ARNT2: variants seen among roughly 807,000 people sequenced by gnomAD.
ARNT2 encodes the protein aryl hydrocarbon receptor nuclear translocator 2.
ARNT2 carries 36 observed loss-of-function variants against 91.7 expected under a neutral mutation model. That is an observed-to-expected ratio of 0.39 (90% CI 0.30 to 0.52). ARNT2 has a LOEUF of 0.52. Ranked by LOEUF, ARNT2 falls within the 20% of genes least tolerant of loss-of-function variation. ARNT2 has a pLI of 0.72. For synonymous variants in ARNT2, 365 were observed against 347.1 expected (o/e 1.05, Z -0.57); for missense variants, 775 against 939.3 (o/e 0.83, Z 2.29).
At chr15:80,520,284 T>TA (rs1447389289) in intron 8 of ARNT2, among the ~76,000 whole-genome samples, 1 of 152,208 alleles carries the variant, frequency 6.6e-6, no homozygotes, top group Non-Finnish European at 1.5e-5. Flanking sequence ...ATTAAAGTCG[T>TA]AAACCTCTGT....
chr15:80,590,599 A>G (rs181008400), intron 17 of ARNT2, among the ~76,000 whole-genome samples: 1 of 152,218 alleles, frequency 6.6e-6, no homozygotes, highest in Non-Finnish European at 1.5e-5. Context: ...TTAATTAGTC[A>G]GGCAATGTGG....
At chr15:80,504,831 C>T (rs1455640160) in intron 5 of ARNT2, among the ~76,000 whole-genome samples, 2 of 149,828 alleles carry the variant, frequency 1.3e-5, no homozygotes, top group African/African-American at 4.9e-5. Context: ...GGGGAAGTGG[C>T]TGGGAAGGGC....
intron 3 of ARNT2, among the ~76,000 whole-genome samples, chr15:80,459,781 C>T (rs183855352): frequency 6.6e-6 from 1 of 152,162 alleles, no homozygotes; most frequent in East Asian, 1.9e-4. Flanking sequence ...TATCATTTCC[C>T]CCATGAAAAA....
intron 8 of ARNT2, among the ~76,000 whole-genome samples, chr15:80,517,077 C>A (rs1362071278): frequency 6.6e-6 from 1 of 151,664 alleles, no homozygotes; most frequent in Non-Finnish European, 1.5e-5. Context: ...TTTATTTATT[C>A]CTTCTCTGAT....
intron 11 of ARNT2, among the ~76,000 whole-genome samples, chr15:80,558,088 G>A (rs1898231812): frequency 6.6e-6 from 1 of 152,072 alleles, no homozygotes; most frequent in Non-Finnish European, 1.5e-5. Flanking sequence ...CTGTTCCCCT[G>A]AGGGAATGCC....
intron 8 of ARNT2, among the ~76,000 whole-genome samples, chr15:80,530,475 G>A (rs28612252): frequency 6.6e-6 from 1 of 152,132 alleles, no homozygotes; most frequent in East Asian, 1.9e-4. Flanking sequence ...TCTTGCTGGA[G>A]CCTTTTCCTC....
chr15:80,524,490 AATGG>A (rs1240507978), intron 8 of ARNT2, among the ~76,000 whole-genome samples: 1 of 152,200 alleles, frequency 6.6e-6, no homozygotes, highest in Non-Finnish European at 1.5e-5. Flanking sequence ...TCTACATTTC[AATGG>A]TAAAGAATTG....
chr15:80,539,583 C>T (rs1451019443), intron 8 of ARNT2, among the ~76,000 whole-genome samples: 1 of 151,880 alleles, frequency 6.6e-6, no homozygotes, highest in African/African-American at 2.4e-5. Flanking sequence ...TTGGAATTTC[C>T]AAGCCAATAA....
At chr15:80,542,537 G>T (rs751849818) in intron 8 of ARNT2, among the ~76,000 whole-genome samples, 1 of 152,146 alleles carries the variant, frequency 6.6e-6, no homozygotes, top group African/African-American at 2.4e-5. Flanking sequence ...AAGTCACATA[G>T]TGTCACTTCC....
intron 6 of ARNT2, among the ~76,000 whole-genome samples, chr15:80,512,118 C>G (rs1413494042): frequency 6.6e-6 from 1 of 152,176 alleles, no homozygotes; most frequent in Non-Finnish European, 1.5e-5. Flanking sequence ...TATCTATTTT[C>G]CCTAATTTAA....
At chr15:80,440,305 TG>T (rs1354727452) in intron 1 of ARNT2, among the ~76,000 whole-genome samples, 1 of 152,230 alleles carries the variant, frequency 6.6e-6, no homozygotes, top group Non-Finnish European at 1.5e-5. Context: ...GCAGGTTGAA[TG>T]GGTCACTCAT....
chr15:80,466,626 T>C (rs533893435), intron 3 of ARNT2, among the ~76,000 whole-genome samples: 5 of 152,322 alleles, frequency 3.3e-5, no homozygotes, highest in African/African-American at 1.2e-4. Context: ...ATCTTGGAGA[T>C]ATGTCCTTCT....
At chr15:80,569,405 CCTT>C (rs1043934798) in intron 12 of ARNT2, among the ~76,000 whole-genome samples, 2 of 152,208 alleles carry the variant, frequency 1.3e-5, no homozygotes, top group African/African-American at 4.8e-5. Context: ...CCTGCTTTCT[CCTT>C]CTCTGGAATT....
At chr15:80,539,344 A>G (rs1566996407) in intron 8 of ARNT2, among the ~76,000 whole-genome samples, 1 of 152,136 alleles carries the variant, frequency 6.6e-6, no homozygotes, top group Non-Finnish European at 1.5e-5. Flanking sequence ...GAAATCTGCT[A>G]ATGTAAATAA....
intron 8 of ARNT2, among the ~76,000 whole-genome samples, chr15:80,522,464 G>A (rs561320765): frequency 3.9e-5 from 6 of 152,112 alleles, no homozygotes; most frequent in Non-Finnish European, 8.8e-5. Context: ...GTGTCATTAG[G>A]CAATTTAATC....
intron 8 of ARNT2, among the ~76,000 whole-genome samples, chr15:80,528,392 A>ATCTG (rs1342605021): frequency 7.9e-5 from 12 of 152,002 alleles, no homozygotes; most frequent in Non-Finnish European, 1.5e-4. Context: ...CTATCTATCT[A>ATCTG]TCTATCTATC....
chr15:80,537,823 G>A (rs1845023474), intron 8 of ARNT2, among the ~76,000 whole-genome samples: 2 of 152,186 alleles, frequency 1.3e-5, no homozygotes, highest in Admixed American at 1.3e-4. Flanking sequence ...ACCCCTACCT[G>A]TCTAACTATT....
In ARNT2 at chr15:80,593,668, C is replaced by T; in HGVS notation, c.2124C>T (p.Asp708=). Residue 708 remains aspartate, a synonymous_variant, in exon 19 of 19, where the codon GAC becomes GAT. Coordinates refer to ENST00000303329, the MANE Select transcript of ARNT2 (RefSeq NM_014862.4). ...ACTATAACATCGAAGACTTTGCCGACCTGGGCATGTTTCCACCGTTTTCTG... is the reference window on the plus strand; with the variant it reads ...ACTATAACATCGAAGACTTTGCCGATCTGGGCATGTTTCCACCGTTTTCTG... ...TGNYNIEDFA[D]LGMFPPFSE 6.2e-7 allele frequency: 1 copy of T among 1,606,708 alleles called. No individual in the cohort carries two copies. The highest frequency in any genetic ancestry group is 8.5e-7 in the Non-Finnish European group (1 of 1,175,830).
At chr15:80,584,445 G>T (rs1898855451) in intron 17 of ARNT2, among the ~76,000 whole-genome samples, 1 of 152,120 alleles carries the variant, frequency 6.6e-6, no homozygotes, top group African/African-American at 2.4e-5. Flanking sequence ...CCAAAGGGTT[G>T]TTCGTTAGTG....
Sources: allele counts gnomAD v4.1 joint callset (sites outside exome capture counted in the v4.1 genomes callset), GRCh38; gene constraint gnomAD v4.1.1; transcripts MANE v1.5; gene names NCBI Gene and HGNC (gene_info 2026-07-23, HGNC 2026-07-21).